Variants in IRS1 observed in about 807,000 individuals in gnomAD.
IRS1 encodes insulin receptor substrate 1.
A neutral mutation model predicts 65.6 loss-of-function variants in IRS1; 34 were observed. That is an observed-to-expected ratio of 0.52 (90% CI 0.39 to 0.69). The LOEUF is 0.69. IRS1 is among the 30% of genes least tolerant of loss of function. The pLI is 0.00. For missense variants in IRS1, 1,641 were observed against 1,720.2 expected, an observed-to-expected ratio of 0.95 and a Z score of 0.81; for synonymous variants, 699 against 683.5, an observed-to-expected ratio of 1.02 and a Z score of -0.35.
At chr2:226,768,242 C>G (rs1300502262) in intron 1 of IRS1, among the ~76,000 whole-genome samples, 1 of 152,158 alleles carries the variant, frequency 6.6e-6, no homozygotes, top group Non-Finnish European at 1.5e-5. Flanking sequence ...TTCTCTATCC[C>G]TTTACACTAT....
At chr2:226,773,057 A>T (rs1437014643) in intron 1 of IRS1, among the ~76,000 whole-genome samples, 3 of 152,202 alleles carry the variant, frequency 2.0e-5, no homozygotes, top group African/African-American at 7.2e-5. Context: ...AGCAAAATCA[A>T]ACAGCCACAG....
Position 226,797,402 on chromosome 2 carries a change from G to T in IRS1, c.1337C>A (p.Thr446Asn), listed in dbSNP as rs747934372. 6.2e-7 allele frequency: 1 copy of T among 1,612,610 alleles called. No homozygotes were observed. The highest frequency in any genetic ancestry group is 8.5e-7 in the Non-Finnish European group (1 of 1,179,378). Residue 446 changes from threonine to asparagine, a missense_variant, in exon 1 of 2, where the codon ACT (threonine) becomes AAT (asparagine). Thr to Asn is a moderately conservative substitution (Grantham distance 65). Transcript: ENST00000305123. This position sits in a 1 kb window ranked among gnomAD's most constrained non-coding sequence, Gnocchi z 8.1. The part of the protein sequence containing the change: ...CDFRSSFRSV[T>N]PDSLGHTPPA... ...TGGGGTGTGGCCCAGGGAATCCGGA[G>T]TGACACTGCGGAAGGAACTCCGGAA...
intron 1 of IRS1, among the ~76,000 whole-genome samples, chr2:226,775,908 T>C (rs1168881076): frequency 6.6e-6 from 1 of 152,212 alleles, no homozygotes; most frequent in Non-Finnish European, 1.5e-5. Flanking sequence ...AAAGTCTGTA[T>C]ATGTTTAGTA....
chr2:226,748,818 C>T lies in IRS1; in HGVS notation c.*22-12568G>A, dbSNP rs562572305. Among the ~76,000 whole-genome samples the T allele has an allele frequency of 7.2e-5, 11 of 152,240 alleles. No homozygotes were observed. The East Asian group carries it at 2.1e-3, about 29-fold the overall frequency. ...GGGGGGATGCTCGGGGCACATATAT[C>T]ATCATCCGTGAGTACACAGGGTTCC... On this transcript the variant is annotated intron_variant, in intron 1 of 1. Transcript: ENST00000305123.
chr2:226,759,172 G>T (rs1202957442), intron 1 of IRS1, among the ~76,000 whole-genome samples: 1 of 152,188 alleles, frequency 6.6e-6, no homozygotes, highest in Non-Finnish European at 1.5e-5. Context: ...TATTCATTAG[G>T]CACCCATGTG....
rs573607139 is a variant in IRS1 at position 226,782,803 on chromosome 2, C to T, written c.*21+12186G>A. On this transcript the variant is annotated intron_variant, in intron 1 of 1. Transcript: ENST00000305123. ...ATCACTTGAGGTCAGGAGTTCATGGCCAGCTTGGCCAACATGGTGAAACCC... is the reference window on the plus strand; with the variant it reads ...ATCACTTGAGGTCAGGAGTTCATGGTCAGCTTGGCCAACATGGTGAAACCC... Among the ~76,000 whole-genome samples, 16 of 152,292 alleles carry T rather than the reference C, an allele frequency of 1.1e-4. No homozygotes were observed. The East Asian group carries it at 1.7e-3, about 17-fold the overall frequency.
At chr2:226,748,444 A>C (rs1020025857) in intron 1 of IRS1, among the ~76,000 whole-genome samples, 2 of 151,780 alleles carry the variant, frequency 1.3e-5, no homozygotes, top group East Asian at 1.9e-4. Context: ...AAAAAAAAAA[A>C]AAAAAACCAA....
rs1268098825 is a variant in IRS1 at position 226,796,293 on chromosome 2, G to A, written c.2446C>T (p.Leu816=). The change falls in exon 1 of 2, where the codon CTG becomes TTG. Residue 816 remains leucine, a synonymous_variant. Coordinates refer to ENST00000305123, the MANE Select transcript of IRS1 (RefSeq NM_005544.3). The stretch of plus-strand genomic sequence containing the variant: ...CTAGCCCCGCAGTATCCCCCACCCA[G>A]GCTGTCGCTGCTGGTGGAAGAGGAA... ...DSSSSTSSDS[L]GGGYCGARLE... 8 of 1,613,534 alleles carry A rather than the reference G, an allele frequency of 5.0e-6. No homozygotes were observed. In the East Asian group the frequency reaches 1.1e-4, roughly 22 times the overall value.
chr2:226,766,138 TATATATATATA>T (rs1559151922), intron 1 of IRS1, among the ~76,000 whole-genome samples: 15 of 4,004 alleles, frequency 3.7e-3, no homozygotes, highest in Non-Finnish European at 7.8e-3. Flanking sequence ...TATATATATA[TATATATATATA>T]TATATATATA....
At chr2:226,751,424 C>T (rs1331427350) in intron 1 of IRS1, among the ~76,000 whole-genome samples, 1 of 151,932 alleles carries the variant, frequency 6.6e-6, no homozygotes, top group Non-Finnish European at 1.5e-5. Context: ...GCTGGGACTA[C>T]AGGCGCCTGC....
In IRS1 at chr2:226,793,179, G is replaced by A. The variant is rs541242128; in HGVS notation, c.*21+1810C>T. Among the ~76,000 whole-genome samples, 12 of 152,172 alleles carry A rather than the reference G, an allele frequency of 7.9e-5. No individual in the cohort carries two copies. The East Asian group carries it at 2.1e-3, about 27-fold the overall frequency. Reference sequence around the variant, plus strand: ...TAGTTGGTCATCAATTCTCTTCAGAGCAAACATCATTTATTCTACTCTATA... The same window carrying A: ...TAGTTGGTCATCAATTCTCTTCAGAACAAACATCATTTATTCTACTCTATA... On this transcript the variant is annotated intron_variant, in intron 1 of 1. Transcript: ENST00000305123.
In IRS1 at chr2:226,797,303, G is replaced by T; in HGVS notation, c.1436C>A (p.Pro479His). Residue 479 changes from proline to histidine, a missense_variant, in exon 1 of 2, where the codon CCC (proline) becomes CAC (histidine). By Grantham distance (77) the Pro-to-His change is moderately conservative. Around this residue, in one of 3 missense-constraint regions of IRS1, gnomAD observed 1,324 missense variants for 1,361.0 expected, o/e 0.97. Coordinates refer to ENST00000305123, the MANE Select transcript of IRS1 (RefSeq NM_005544.3). The surrounding 1 kb of genome is among the most constrained non-coding windows in gnomAD (Gnocchi z 8.1). ...CCGAGACAAAATGTAGTGACCGTTG[G>T]GGGCGGTCAGGGTGGAGGGCCCCTT... The part of the protein sequence containing the change: ...GGKGPSTLTA[P>H]NGHYILSRGG... The T allele has an allele frequency of 6.2e-7, 1 of 1,613,522 alleles. No individual in the cohort carries two copies. Among genetic ancestry groups the T allele is most frequent in the Admixed American group, 1.7e-5 (1 of 60,020 alleles).
At chr2:226,782,382 T>A (rs16822636) in intron 1 of IRS1, among the ~76,000 whole-genome samples, 1 of 152,160 alleles carries the variant, frequency 6.6e-6, no homozygotes, top group South Asian at 2.1e-4. Flanking sequence ...TTGCTTTGAG[T>A]AGGATGTGGC....
In IRS1 at chr2:226,732,466, A is replaced by ATC. The variant is rs907972885; in HGVS notation, c.*3804_*3805dup. On this transcript the variant is annotated 3_prime_UTR_variant, in exon 2 of 2. Coordinates refer to ENST00000305123, the MANE Select transcript of IRS1 (RefSeq NM_005544.3). ...TCTCAAGTTTCTCACAAGCCTATAC[A>ATC]TCTATATATATATATATATATATAT... is the stretch of plus-strand genomic sequence containing the variant. 3 of 135,584 alleles carry ATC rather than the reference A, an allele frequency of 2.2e-5. No individual in the cohort carries two copies. Among genetic ancestry groups the ATC allele is most frequent in the African/African-American group, 3.1e-5 (1 of 32,156 alleles). 8.4% of individuals were successfully genotyped at this position (135,584 alleles called of 1,614,324 possible).
In IRS1 at chr2:226,797,668, G is replaced by A; in HGVS notation, c.1071C>T (p.His357=). ...VSPSTNRTHA[H]RHRGSARLHP... ...GCAGCCGGGCGCTGCCCCGATGCCG[G>A]TGGGCGTGGGTTCTGTTGGTGCTGG... The change falls in exon 1 of 2, where the codon CAC becomes CAT. Residue 357 remains histidine (H), a synonymous_variant. Coordinates refer to ENST00000305123, the MANE Select transcript of IRS1 (RefSeq NM_005544.3). The surrounding 1 kb of genome is among the most constrained non-coding windows in gnomAD (Gnocchi z 8.1). 1.3e-6 allele frequency: 2 copies of A among 1,595,874 alleles called. No homozygotes were observed. The highest frequency in any genetic ancestry group is 1.7e-6 in the Non-Finnish European group (2 of 1,177,712).
rs532053634 is a variant in IRS1 at position 226,733,662 on chromosome 2, A to G, written c.*2610T>C. On this transcript the variant is annotated 3_prime_UTR_variant, in exon 2 of 2. Coordinates refer to ENST00000305123, the MANE Select transcript of IRS1 (RefSeq NM_005544.3). The stretch of plus-strand genomic sequence containing the variant: ...AATGAAAGCCCTTGGCTGGCCTACA[A>G]ATGCTTTGAAATGGATAAAAGCCAA... 72 of 152,314 alleles carry G rather than the reference A, an allele frequency of 4.7e-4. No individual in the cohort carries two copies. The highest frequency in any genetic ancestry group is 1.7e-3 in the African/African-American group (69 of 41,572). 9.4% of individuals were successfully genotyped at this position (152,314 alleles called of 1,614,324 possible).
At position 226,753,562 on chromosome 2, in the gene IRS1, C is replaced by T. The variant is rs1938725727; in HGVS notation, c.*22-17312G>A. ...TCTTATCTCTAACTTTCTACCTGAT[C>T]CATTACAGTGTTTTATATATAACTG... On this transcript the variant is annotated intron_variant, in intron 1 of 1. Coordinates refer to ENST00000305123, the MANE Select transcript of IRS1 (RefSeq NM_005544.3). Among the ~76,000 whole-genome samples the T allele has an allele frequency of 1.3e-5, 2 of 152,092 alleles. 1 individual carries two copies. The highest frequency in any genetic ancestry group is 4.1e-4 in the South Asian group (2 of 4,824).
In IRS1 at chr2:226,766,165, T is replaced by TGTATA. The variant is rs1559152107; in HGVS notation, c.*21+28823_*21+28824insTATAC. Among the ~76,000 whole-genome samples the TGTATA allele has an allele frequency of 5.9e-4, 6 of 10,092 alleles. 1 individual carries two copies. Among genetic ancestry groups the TGTATA allele is most frequent in the African/African-American group, 2.2e-3 (6 of 2,770 alleles). 6.6% of individuals were successfully genotyped at this position (10,092 alleles called of 152,430 possible). On this transcript the variant is annotated intron_variant, in intron 1 of 1. Transcript: ENST00000305123. The stretch of plus-strand genomic sequence containing the variant: ...TATATATATATATATATATATATAT[T>TGTATA]TTTTTTTTTTTTTTTTGAGACAGGG...
intron 1 of IRS1, among the ~76,000 whole-genome samples, chr2:226,778,541 T>A (rs188291572): frequency 0.018 from 2,685 of 145,738 alleles, 79 homozygotes; most frequent in African/African-American, 0.061. Context: ...TAACAGAATT[T>A]AAAAAAAAAA....
Sources: gnomAD v4.1 joint callset for allele counts (sites outside exome capture counted in the v4.1 genomes callset) on GRCh38, gnomAD v4.1.1 for gene constraint, gnomAD v4.1.1 regional missense constraint, Gnocchi (gnomAD v3.1) non-coding constraint, MANE v1.5 for transcripts, NCBI Gene and HGNC (gene_info 2026-07-23, HGNC 2026-07-21) for gene names.